Variants in DGKG observed in about 807,000 individuals in gnomAD.
DGKG encodes diacylglycerol kinase gamma.
In DGKG, 78 loss-of-function variants were observed where a neutral mutation model predicts 105.3. The observed-to-expected ratio is 0.74, with a 90% CI of 0.62 to 0.89. The LOEUF is 0.89. Among genes scored for constraint, DGKG ranks in the 40% least tolerant of loss-of-function variants. The pLI is 0.00. For missense variants in DGKG, 958 were observed against 1,020.1 expected (o/e 0.94, Z 0.83); for synonymous variants, 346 against 367.1 (o/e 0.94, Z 0.66).
rs1327542002 is a variant in DGKG at position 186,361,664 on chromosome 3, C to T, written c.-249+282G>A. 2.0e-5 allele frequency among the ~76,000 whole-genome samples: 3 copies of T among 152,248 alleles called. No homozygotes were observed. The highest frequency in any genetic ancestry group is 4.4e-5 in the Non-Finnish European group (3 of 68,048). ...TTTAGCAAACTGCCTGGAGCAAGGC[C>T]GCCTCCCACCCGCACAGCTTTGAGG... On this transcript the variant is annotated intron_variant, in intron 1 of 24. Transcript: ENST00000265022. The surrounding 1 kb of genome is among the most constrained non-coding windows in gnomAD (Gnocchi z 6.8).
intron 2 of DGKG, among the ~76,000 whole-genome samples, chr3:186,310,509 G>T (rs115565445): frequency 0.019 from 2,943 of 152,226 alleles, 84 homozygotes; most frequent in African/African-American, 0.067. Flanking sequence ...CTTAATAGAT[G>T]TCTGGGTTGG....
At chr3:186,327,526 A>T (rs34380855) in intron 1 of DGKG, among the ~76,000 whole-genome samples, 28,287 of 150,640 alleles carry the variant, frequency 0.19, 3,335 homozygotes, top group Non-Finnish European at 0.25. Context: ...CAGCCCTCCC[A>T]GTAGAGTAGC....
At chr3:186,255,344 G>T (rs1210705420) in intron 17 of DGKG, among the ~76,000 whole-genome samples, 1 of 152,256 alleles carries the variant, frequency 6.6e-6, no homozygotes, top group Non-Finnish European at 1.5e-5. Context: ...AGGAATCCAT[G>T]GAGATAATGC....
Position 186,149,394 on chromosome 3 carries a change from G to A in DGKG, c.*696C>T, listed in dbSNP as rs1194688283. On this transcript the variant is annotated 3_prime_UTR_variant, in exon 25 of 25. Transcript: ENST00000265022. ...GGCAGCTCTGGGGGCTCTTGGAGCCGCCTCTAAGCAAACATGTAGACACCA... is the reference window on the plus strand; with the variant it reads ...GGCAGCTCTGGGGGCTCTTGGAGCCACCTCTAAGCAAACATGTAGACACCA... 7.1e-6 allele frequency: 7 copies of A among 985,270 alleles called. No homozygotes were observed. Among genetic ancestry groups the A allele is most frequent in the East Asian group, 1.1e-4 (1 of 8,814 alleles). 61.0% of individuals were successfully genotyped at this position (985,270 alleles called of 1,614,324 possible).
chr3:186,312,555 A>T (rs77237480), intron 2 of DGKG, among the ~76,000 whole-genome samples: 2 of 152,332 alleles, frequency 1.3e-5, no homozygotes, highest in Non-Finnish European at 2.9e-5. Context: ...ACAAAGGAAC[A>T]TACTCAATGG....
rs564226187 is a variant in DGKG at position 186,328,661 on chromosome 3, C to T, written c.-248-7954G>A. 2.0e-5 allele frequency among the ~76,000 whole-genome samples: 3 copies of T among 151,798 alleles called. No individual in the cohort carries two copies. The East Asian group carries it at 5.8e-4, about 29-fold the overall frequency. On this transcript the variant is annotated intron_variant, in intron 1 of 24. Coordinates refer to ENST00000265022, the MANE Select transcript of DGKG (RefSeq NM_001346.3). ...CATGATCTCAGCTCACTGCAACCTC[C>T]ACCTCCTGGGTTCAAGTGATTCTCC... is the stretch of plus-strand genomic sequence containing the variant.
chr3:186,237,870 G>T (rs1445502561), intron 20 of DGKG, among the ~76,000 whole-genome samples: 1 of 152,140 alleles, frequency 6.6e-6, no homozygotes, highest in South Asian at 2.1e-4. Context: ...TATCTTGAAA[G>T]GTTGTTTTGT....
In DGKG at chr3:186,223,011, CTATATA is replaced by C. The variant is rs55753193; in HGVS notation, c.1827-11132_1827-11127del. 5.0e-4 allele frequency among the ~76,000 whole-genome samples: 40 copies of C among 80,524 alleles called. 3 individuals are homozygous for C. Among genetic ancestry groups the C allele is most frequent in the East Asian group, 3.1e-3 (3 of 960 alleles). The allele number at this position is 80,524 out of a possible 152,430, so 52.8% of individuals were successfully genotyped here. A position where few individuals can be genotyped will look rare whatever the true frequency, so the allele number is the denominator to read the frequency against. On this transcript the variant is annotated intron_variant, in intron 20 of 24. Transcript: ENST00000265022. The stretch of plus-strand genomic sequence containing the variant: ...AAGAATACACACACGTGTATGTATA[CTATATA>C]TATATATATATATATATGTCTCATG...
chr3:186,199,738 C>T (rs1462750535), intron 21 of DGKG, among the ~76,000 whole-genome samples: 1 of 152,154 alleles, frequency 6.6e-6, no homozygotes, highest in African/African-American at 2.4e-5. Flanking sequence ...GTCTTGAACA[C>T]CTGACCTCAG....
intron 11 of DGKG, among the ~76,000 whole-genome samples, chr3:186,269,432 C>T (rs1722210942): frequency 6.6e-6 from 1 of 152,212 alleles, no homozygotes; most frequent in South Asian, 2.1e-4. Context: ...TCTGGGGTTA[C>T]TGGGGCAATG....
chr3:186,219,394 G>A (rs138807946), intron 20 of DGKG, among the ~76,000 whole-genome samples: 4 of 152,306 alleles, frequency 2.6e-5, no homozygotes, highest in Non-Finnish European at 2.9e-5. Context: ...CTCAGGCACC[G>A]AGCTGTGCAT....
chr3:186,359,013 G>T lies in DGKG; in HGVS notation c.-249+2933C>A, dbSNP rs1474637028. Among the ~76,000 whole-genome samples the T allele has an allele frequency of 2.0e-5, 3 of 152,278 alleles. 1 individual carries two copies. The East Asian group carries it at 5.8e-4, about 29-fold the overall frequency. On this transcript the variant is annotated intron_variant, in intron 1 of 24. Coordinates refer to ENST00000265022, the MANE Select transcript of DGKG (RefSeq NM_001346.3). ...AAATAGGTATAGCTTTATGTTGTAT[G>T]GTTTCCATAATCCCTCCCGAGTGTA...
intron 22 of DGKG, among the ~76,000 whole-genome samples, chr3:186,183,044 T>C (rs906572683): frequency 3.3e-5 from 5 of 152,200 alleles, no homozygotes; most frequent in South Asian, 2.1e-4. Context: ...CAGCAGCCAT[T>C]AGGTAGGCCT....
At chr3:186,354,852 G>T (rs1273338638) in intron 1 of DGKG, among the ~76,000 whole-genome samples, 1 of 152,094 alleles carries the variant, frequency 6.6e-6, no homozygotes, top group Non-Finnish European at 1.5e-5. Context: ...TCCTATTCTG[G>T]CTGGGTAACC....
intron 22 of DGKG, among the ~76,000 whole-genome samples, chr3:186,179,636 C>T (rs188810853): frequency 5.3e-5 from 8 of 152,346 alleles, no homozygotes; most frequent in East Asian, 1.9e-4. Context: ...CTGAGAACCA[C>T]GTTGAATGGC....
intron 11 of DGKG, among the ~76,000 whole-genome samples, chr3:186,272,028 C>G (rs1039956150): frequency 2.0e-5 from 3 of 152,184 alleles, no homozygotes; most frequent in Non-Finnish European, 2.9e-5. Flanking sequence ...GGCTGGGGAG[C>G]GTCTCTTACA....
In DGKG at chr3:186,203,907, G is replaced by T. The variant is rs1012646592; in HGVS notation, c.1917+7888C>A. Among the ~76,000 whole-genome samples, 4 of 152,182 alleles carry T rather than the reference G, an allele frequency of 2.6e-5. No individual in the cohort carries two copies. Among genetic ancestry groups the T allele is most frequent in the African/African-American group, 9.7e-5 (4 of 41,424 alleles). ...TCTACCTGTGGTAGCTGAGAAGAAG[G>T]TTCAGATCATATCAGGAGAGACCAA... On this transcript the variant is annotated intron_variant, in intron 21 of 24. Coordinates refer to ENST00000265022, the MANE Select transcript of DGKG (RefSeq NM_001346.3). The surrounding 1 kb of genome is among the most constrained non-coding windows in gnomAD (Gnocchi z 4.9).
intron 1 of DGKG, among the ~76,000 whole-genome samples, chr3:186,326,397 T>TCAAAAAAAAA (rs1560156258): frequency 4.0e-5 from 6 of 149,610 alleles, no homozygotes; most frequent in African/African-American, 1.3e-4. Flanking sequence ...AGACACTGTC[T>TCAAAAAAAAA]TAAAAAAAAA....
chr3:186,280,861 G>T, intron 7 of DGKG, 117 bp from the exon 8 acceptor site: 1 of 771,624 alleles, frequency 1.3e-6, no homozygotes, highest in Non-Finnish European at 2.2e-6. Context: ...AAGAGAAGAA[G>T]CTGGTGCAGT....
Sources: gnomAD v4.1 joint callset for allele counts (sites outside exome capture counted in the v4.1 genomes callset) on GRCh38, gnomAD v4.1.1 for gene constraint, Gnocchi (gnomAD v3.1) non-coding constraint, MANE v1.5 for transcripts, NCBI Gene and HGNC (gene_info 2026-07-23, HGNC 2026-07-21) for gene names.